VCAN: variants seen among roughly 807,000 people sequenced by gnomAD.
VCAN encodes the protein versican, also known as versican core protein.
In VCAN, 44 loss-of-function variants were observed where a neutral mutation model predicts 245.5. The ratio of observed to expected loss-of-function variants is 0.18; its 90% CI spans 0.14 to 0.23. VCAN has a LOEUF of 0.23. Among genes scored for constraint, VCAN ranks in the 10% least tolerant of loss-of-function variants. VCAN has a pLI of 1.00. For synonymous variants in VCAN, 1,413 were observed against 1,437.0 expected (o/e 0.98, Z 0.38); for missense variants, 3,793 against 4,057.9 (o/e 0.93, Z 1.77).
At position 83,541,616 on chromosome 5, in the gene VCAN, T is replaced by C; in HGVS notation, c.8613T>C (p.Asn2871=). 1 of 1,613,878 alleles carries C rather than the reference T, an allele frequency of 6.2e-7. No individual in the cohort carries two copies. Among genetic ancestry groups the C allele is most frequent in the Non-Finnish European group, 8.5e-7 (1 of 1,180,000 alleles). ...PQDSFKEIHV[N]IEATFKPSSE... is the part of the protein sequence containing the mutation. Reference sequence around the variant, plus strand: ...ATTCTTTTAAGGAAATTCATGTAAATATTGAAGCGACTTTCAAACCATCAA... The same window carrying C: ...ATTCTTTTAAGGAAATTCATGTAAACATTGAAGCGACTTTCAAACCATCAA... Residue 2871 remains asparagine, a synonymous_variant, in exon 8 of 15, where the codon AAT becomes AAC. Transcript: ENST00000265077.
chr5:83,522,265 C>T lies in VCAN; in HGVS notation c.3959C>T (p.Pro1320Leu), dbSNP rs376458723. The T allele has an allele frequency of 5.6e-5, 89 of 1,599,498 alleles. No individual in the cohort carries two copies. Among genetic ancestry groups the T allele is most frequent in the Non-Finnish European group, 6.7e-5 (79 of 1,179,858 alleles). Residue 1320 changes from proline (P) to leucine (L), a missense_variant, in exon 7 of 15, where the codon CCT becomes CTT. By Grantham distance (98) the Pro-to-Leu change is moderately conservative. Transcript: ENST00000265077. Reference protein sequence around the residue: ...PQPPASTKFHPDINVYIIEVR... With the variant: ...PQPPASTKFHLDINVYIIEVR... ...CCCCCAGCAAGCACAAAATTTCACCCTGACATTAATGTTTATATTATTGAG... is the reference window on the plus strand; with the variant it reads ...CCCCCAGCAAGCACAAAATTTCACCTTGACATTAATGTTTATATTATTGAG...
At chr5:83,500,494 T>C (rs2112370344) in intron 5 of VCAN, among the ~76,000 whole-genome samples, 2 of 152,316 alleles carry the variant, frequency 1.3e-5, no homozygotes, top group Middle Eastern at 3.4e-3. Flanking sequence ...GGTAGTTTCA[T>C]GAGTAGAATG....
intron 5 of VCAN, among the ~76,000 whole-genome samples, chr5:83,508,924 G>A (rs147962157): frequency 2.0e-5 from 3 of 152,288 alleles, no homozygotes; most frequent in African/African-American, 7.2e-5. Context: ...CTGAGGCAAG[G>A]AGGATTGCTG....
intron 1 of VCAN, among the ~76,000 whole-genome samples, chr5:83,472,741 C>G (rs566530793): frequency 3.3e-5 from 5 of 152,100 alleles, no homozygotes; most frequent in Non-Finnish European, 5.9e-5. Flanking sequence ...TTGTCCTGCA[C>G]GCGGTGCGAA....
At chr5:83,532,467 G>A (rs1746559124) in intron 7 of VCAN, among the ~76,000 whole-genome samples, 1 of 152,004 alleles carries the variant, frequency 6.6e-6, no homozygotes, top group Non-Finnish European at 1.5e-5. Context: ...TATACTGACA[G>A]AATAAAATTT....
intron 12 of VCAN, among the ~76,000 whole-genome samples, chr5:83,570,874 A>G (rs1748262685): frequency 2.0e-5 from 3 of 151,392 alleles, no homozygotes; most frequent in African/African-American, 7.3e-5. Flanking sequence ...TGAATTGAAA[A>G]CAATTGCCTT....
rs947873179 is a variant in VCAN, at chr5:83,581,052, C to G, written c.*618C>G. 1 of 158,582 alleles carries G rather than the reference C, an allele frequency of 6.3e-6. No individual in the cohort carries two copies. Among genetic ancestry groups the G allele is most frequent in the Non-Finnish European group, 1.4e-5 (1 of 71,498 alleles). 9.8% of individuals were successfully genotyped at this position (158,582 alleles called of 1,614,324 possible). The stretch of plus-strand genomic sequence containing the variant: ...TGCTTCTACATGATGCTAAAGGCTG[C>G]GAATGGGATCCTGATGGAACTAAGG... On this transcript the variant is annotated 3_prime_UTR_variant, in exon 15 of 15. Coordinates refer to ENST00000265077, the MANE Select transcript of VCAN (RefSeq NM_004385.5).
At chr5:83,493,007 T>C (rs1745029948) in intron 3 of VCAN, among the ~76,000 whole-genome samples, 1 of 152,246 alleles carries the variant, frequency 6.6e-6, no homozygotes, top group South Asian at 2.1e-4. Context: ...TCATAAATAG[T>C]CCAGTGTCTT....
chr5:83,480,326 C>T (rs971914872), intron 1 of VCAN, among the ~76,000 whole-genome samples: 7 of 152,060 alleles, frequency 4.6e-5, no homozygotes, highest in South Asian at 2.1e-4. Flanking sequence ...ACAAAGAGTT[C>T]GATTTTTAGT....
chr5:83,532,024 T>G (rs890876015), intron 7 of VCAN, among the ~76,000 whole-genome samples: 30 of 152,108 alleles, frequency 2.0e-4, no homozygotes, highest in African/African-American at 7.0e-4. Context: ...AATAGAGCAG[T>G]CTTTTATAAG....
intron 12 of VCAN, among the ~76,000 whole-genome samples, chr5:83,555,961 G>A (rs1213494876): frequency 2.0e-5 from 3 of 152,084 alleles, no homozygotes; most frequent in Admixed American, 1.3e-4. Context: ...TTATTACTTA[G>A]GTATTCAGTT....
At chr5:83,495,909 AC>A (rs1307604094) in intron 5 of VCAN, among the ~76,000 whole-genome samples, 1 of 151,464 alleles carries the variant, frequency 6.6e-6, no homozygotes, top group South Asian at 2.1e-4. Context: ...AGCCCTAGAG[AC>A]CCCCCGTGTG....
At chr5:83,533,416 G>C (rs1746596500) in intron 7 of VCAN, among the ~76,000 whole-genome samples, 1 of 152,158 alleles carries the variant, frequency 6.6e-6, no homozygotes, top group African/African-American at 2.4e-5. Context: ...GTTTCAGAGA[G>C]AGAGAGAGGA....
At chr5:83,566,584 T>C (rs1187514514) in intron 12 of VCAN, among the ~76,000 whole-genome samples, 2 of 151,558 alleles carry the variant, frequency 1.3e-5, no homozygotes, top group Non-Finnish European at 2.9e-5. Context: ...CACCATCATC[T>C]TTTTTTTTCC....
intron 12 of VCAN, among the ~76,000 whole-genome samples, chr5:83,557,570 C>G (rs1747721430): frequency 6.6e-6 from 1 of 152,104 alleles, no homozygotes; most frequent in Non-Finnish European, 1.5e-5. Context: ...CAAGGCAACT[C>G]AACTAGTTTT....
chr5:83,546,743 C>A (rs1747242004), intron 9 of VCAN, among the ~76,000 whole-genome samples: 1 of 152,108 alleles, frequency 6.6e-6, no homozygotes, highest in Non-Finnish European at 1.5e-5. Flanking sequence ...TGGCACTCAG[C>A]AAGCACCATA....
In VCAN at chr5:83,537,456, A is replaced by G; in HGVS notation, c.4453A>G (p.Thr1485Ala). 1 of 1,613,976 alleles carries G rather than the reference A, an allele frequency of 6.2e-7. No homozygotes were observed. The highest frequency in any genetic ancestry group is 1.3e-5 in the African/African-American group (1 of 75,034). Reference sequence around the variant, plus strand: ...TCTTGAAGTTACATGGAAGCCTGAGACTTACCCTGAAACATCAGAACATTT... The same window carrying G: ...TCTTGAAGTTACATGGAAGCCTGAGGCTTACCCTGAAACATCAGAACATTT... ...ESLEVTWKPE[T>A]YPETSEHFSG... Residue 1485 changes from threonine to alanine, a missense_variant, in exon 8 of 15, where the codon ACT becomes GCT. Around this residue, in one of 5 missense-constraint regions of VCAN, gnomAD observed 3,182 missense variants for 3,250.3 expected, o/e 0.98. Transcript: ENST00000265077.
At position 83,512,289 on chromosome 5, in the gene VCAN, G is replaced by A; in HGVS notation, c.935G>A (p.Arg312Lys). ...GTGCGCCACCCTGTGACTGTGGCCA[G>A]GGCCCAGTGTGGAGGTGGTCTACTT... ...ASVRHPVTVA[R>K]AQCGGGLLGV... Residue 312 changes from arginine (R) to lysine (K), a missense_variant, in exon 6 of 15, where the codon AGG becomes AAG. Around this residue, in one of 5 missense-constraint regions of VCAN, gnomAD observed 190 missense variants for 288.6 expected, o/e 0.66. Transcript: ENST00000265077. The A allele has an allele frequency of 6.2e-7, 1 of 1,614,178 alleles. No individual in the cohort carries two copies.
intron 7 of VCAN, among the ~76,000 whole-genome samples, chr5:83,534,459 T>C (rs1746632725): frequency 6.6e-6 from 1 of 152,076 alleles, no homozygotes; most frequent in Non-Finnish European, 1.5e-5. Flanking sequence ...CTGACCCATG[T>C]TTCTTATTTA....
Sources: gnomAD v4.1 joint callset for allele counts (sites outside exome capture counted in the v4.1 genomes callset) on GRCh38, gnomAD v4.1.1 for gene constraint, gnomAD v4.1.1 regional missense constraint, MANE v1.5 for transcripts, NCBI Gene and HGNC (gene_info 2026-07-23, HGNC 2026-07-21) for gene names.